The following CSMD2 variants were observed in gnomAD, a reference collection of about 807,000 sequenced individuals.
CSMD2 encodes CUB and sushi domain-containing protein 2.
A neutral mutation model predicts 398.5 loss-of-function variants in CSMD2; 130 were observed. The ratio of observed to expected loss-of-function variants is 0.33; its 90% confidence interval spans 0.28 to 0.38. The LOEUF is 0.38. Among genes scored for constraint, CSMD2 ranks in the 10% least tolerant of loss-of-function variants. CSMD2 has a pLI of 1.00. For missense variants in CSMD2, 3,829 were observed against 4,764.9 expected, an observed-to-expected ratio of 0.80 and a Z score of 5.78; for synonymous variants, 1,828 against 1,908.5, an observed-to-expected ratio of 0.96 and a Z score of 1.10.
intron 66 of CSMD2, among the ~76,000 whole-genome samples, chr1:33,524,067 A>C (rs562073551): frequency 5.9e-5 from 9 of 152,306 alleles, no homozygotes; most frequent in African/African-American, 2.2e-4. Flanking sequence ...AGAAATAACC[A>C]CGTTACTGTA....
At position 33,636,267 on chromosome 1, in the gene CSMD2, C is replaced by A; in HGVS notation, c.4969+93G>T. 7.7e-7 allele frequency: 1 copy of A among 1,295,490 alleles called. No individual in the cohort carries two copies. 80.2% of individuals were successfully genotyped at this position (1,295,490 alleles called of 1,614,324 possible). A position where few individuals can be genotyped will look rare whatever the true frequency, so the allele number is the denominator to read the frequency against. On this transcript the variant is annotated intron_variant, in intron 30 of 70. Transcript: ENST00000373381. The surrounding 1 kb of genome is among the most constrained non-coding windows in gnomAD (Gnocchi z 4.8). ...GGCTTGGAGGAGCCGGGCTTGAGGA[C>A]CTTGCCCCCCTCCCTTCCCCAGCCC...
In CSMD2 at chr1:33,540,582, C is replaced by A; in HGVS notation, c.9574G>T (p.Ala3192Ser). 6.2e-7 allele frequency: 1 copy of A among 1,614,198 alleles called. No individual in the cohort carries two copies. The highest frequency in any genetic ancestry group is 8.5e-7 in the Non-Finnish European group (1 of 1,180,038). The change falls in exon 60 of 71, where the codon GCG (alanine) becomes TCG (serine). Residue 3192 changes from alanine to serine, a missense_variant. Coordinates refer to ENST00000373381, the MANE Select transcript of CSMD2 (RefSeq NM_001281956.2). ...CLEGYQLSLP[A>S]VFTCEGNGSW... ...CCATTTCCCTCACAGGTGAACACCG[C>A]GGGCAGGGAGAGCTGGTACCCCTCC... is the stretch of plus-strand genomic sequence containing the variant.
chr1:33,886,427 C>G (rs1262126747), intron 5 of CSMD2, among the ~76,000 whole-genome samples: 2 of 152,176 alleles, frequency 1.3e-5, no homozygotes, highest in Non-Finnish European at 2.9e-5. Context: ...ACTGGCAGGA[C>G]TTGGCAACCA....
chr1:33,663,149 T>A, intron 25 of CSMD2, 57 bp from the exon 26 acceptor site: 1 of 1,489,596 alleles, frequency 6.7e-7, no homozygotes, highest in Non-Finnish European at 9.3e-7. Flanking sequence ...TCCAGGGGCT[T>A]CTGGTCAGAA....
At chr1:33,886,709 G>A (rs1317024991) in intron 5 of CSMD2, among the ~76,000 whole-genome samples, 1 of 152,206 alleles carries the variant, frequency 6.6e-6, no homozygotes, top group Non-Finnish European at 1.5e-5. Context: ...GCAGCCAGCC[G>A]CAGGAAAGGG....
At chr1:33,786,114 A>G (rs1178408615) in intron 12 of CSMD2, among the ~76,000 whole-genome samples, 1 of 152,150 alleles carries the variant, frequency 6.6e-6, no homozygotes, top group East Asian at 1.9e-4. Context: ...ATGACTTGAT[A>G]TTTATTCCCA....
At chr1:33,841,228 A>G (rs1386521197) in intron 6 of CSMD2, among the ~76,000 whole-genome samples, 1 of 152,186 alleles carries the variant, frequency 6.6e-6, no homozygotes, top group Non-Finnish European at 1.5e-5. Context: ...AATGACGATC[A>G]TTAGGTCAGA....
In CSMD2 at chr1:33,738,683, G is replaced by A. The variant is rs115729178; in HGVS notation, c.2368+457C>T. Among the ~76,000 whole-genome samples the A allele has an allele frequency of 5.4e-3, 815 of 152,240 alleles. 8 individuals carry two copies. Among genetic ancestry groups the A allele is most frequent in the African/African-American group, 0.019 (785 of 41,536 alleles). On this transcript the variant is annotated intron_variant, in intron 15 of 70. Coordinates refer to ENST00000373381, the MANE Select transcript of CSMD2 (RefSeq NM_001281956.2). ...AGGATATAAAGTCAGCATTTAACAGGGCACAAAGGCCGAGACTGGGAGACA... is the reference window on the plus strand; with the variant it reads ...AGGATATAAAGTCAGCATTTAACAGAGCACAAAGGCCGAGACTGGGAGACA...
intron 24 of CSMD2, among the ~76,000 whole-genome samples, chr1:33,696,585 G>A (rs2149108199): frequency 6.6e-6 from 1 of 152,272 alleles, no homozygotes; most frequent in African/African-American, 2.4e-5. Context: ...TAGCTAGAAA[G>A]GTGGGAGGGC....
At chr1:34,127,283 G>A (rs950506449) in intron 1 of CSMD2, among the ~76,000 whole-genome samples, 6 of 152,210 alleles carry the variant, frequency 3.9e-5, no homozygotes, top group South Asian at 2.1e-4. Context: ...AGAACAGGGC[G>A]GCAGCCAGAG....
At chr1:34,161,005 T>C (rs1161637728) in intron 1 of CSMD2, among the ~76,000 whole-genome samples, 1 of 152,194 alleles carries the variant, frequency 6.6e-6, no homozygotes, top group Non-Finnish European at 1.5e-5. Context: ...GAAGGCATGA[T>C]AGCTTTTTCA....
chr1:33,861,827 G>A (rs1639537576), intron 5 of CSMD2, among the ~76,000 whole-genome samples: 1 of 152,148 alleles, frequency 6.6e-6, no homozygotes, highest in African/African-American at 2.4e-5. Flanking sequence ...CATTTAGAGA[G>A]GACACCTTAT....
At chr1:33,684,941 C>G (rs1645019287) in intron 25 of CSMD2, among the ~76,000 whole-genome samples, 1 of 152,230 alleles carries the variant, frequency 6.6e-6, no homozygotes, top group Non-Finnish European at 1.5e-5. Flanking sequence ...TGCTTCATTT[C>G]CAAACCTCTC....
chr1:34,010,764 G>A (rs182135345), intron 3 of CSMD2, among the ~76,000 whole-genome samples: 8 of 152,146 alleles, frequency 5.3e-5, no homozygotes, highest in African/African-American at 9.6e-5. Flanking sequence ...GACTACAGGC[G>A]CCTGCCACCA....
At chr1:33,677,891 A>G (rs973671361) in intron 25 of CSMD2, among the ~76,000 whole-genome samples, 9 of 142,414 alleles carry the variant, frequency 6.3e-5, no homozygotes, top group Non-Finnish European at 1.4e-4. Flanking sequence ...TCTCACTCAC[A>G]GGTGGGAATT....
chr1:33,915,263 G>A (rs1386966060), intron 5 of CSMD2, among the ~76,000 whole-genome samples: 1 of 152,194 alleles, frequency 6.6e-6, no homozygotes, highest in Non-Finnish European at 1.5e-5. Context: ...TACAAAAGCA[G>A]TATACTCATA....
In CSMD2 at chr1:33,923,615, G is replaced by T. The variant is rs555242152; in HGVS notation, c.713-5314C>A. Among the ~76,000 whole-genome samples the T allele has an allele frequency of 2.0e-5, 3 of 152,282 alleles. No individual in the cohort carries two copies. In the South Asian group the frequency reaches 6.2e-4, roughly 32 times the overall value. On this transcript the variant is annotated intron_variant, in intron 4 of 70. Coordinates refer to ENST00000373381, the MANE Select transcript of CSMD2 (RefSeq NM_001281956.2). ...ATTTAGGGCATCCATCACCTCAAGA[G>T]TTTATCACTTTTATGTGTTGGGAAC...
At chr1:33,864,095 T>A (rs961267189) in intron 5 of CSMD2, 1 of 1,221,294 alleles carries the variant, frequency 8.2e-7, no homozygotes, top group Non-Finnish European at 1.1e-6. Context: ...AAAAATTCGC[T>A]GCAAGTACAG....
At position 33,792,205 on chromosome 1, in the gene CSMD2, T is replaced by C. The variant is rs147821397; in HGVS notation, c.1550+218A>G. 7.4e-4 allele frequency among the ~76,000 whole-genome samples: 113 copies of C among 152,308 alleles called. 3 individuals are homozygous for C. The East Asian group carries it at 0.014, about 20-fold the overall frequency. ...GCCCCCTAACAGACTGCTCATTCTA[T>C]TCACATTTCATATGAATTCAGTGAG... On this transcript the variant is annotated intron_variant, in intron 11 of 70. Coordinates refer to ENST00000373381, the MANE Select transcript of CSMD2 (RefSeq NM_001281956.2).
Sources: gnomAD v4.1 joint callset for allele counts (sites outside exome capture counted in the v4.1 genomes callset) on GRCh38, gnomAD v4.1.1 for gene constraint, Gnocchi (gnomAD v3.1) non-coding constraint, MANE v1.5 for transcripts, NCBI Gene and HGNC (gene_info 2026-07-23, HGNC 2026-07-21) for gene names.